The following HS6ST2 variants were observed in gnomAD, a reference collection of about 807,000 sequenced individuals.
HS6ST2 encodes the protein heparan-sulfate 6-O-sulfotransferase 2.
A neutral mutation model predicts 33.0 loss-of-function variants in HS6ST2; 17 were observed. That is an observed-to-expected ratio of 0.52 (90% CI 0.35 to 0.77). The LOEUF (loss-of-function observed/expected upper bound fraction) is 0.77, where lower values mean the gene tolerates loss of function less well. Ranked by LOEUF, HS6ST2 falls within the 30% of genes least tolerant of loss-of-function variation. The pLI is 0.01. For missense variants in HS6ST2, 519 were observed against 551.7 expected (o/e 0.94, Z 0.59); for synonymous variants, 248 against 237.1 (o/e 1.05, Z -0.42).
In HS6ST2 at chrX:132,780,421, C is replaced by T. The variant is rs186144454; in HGVS notation, c.948-71927G>A. Reference sequence around the variant, plus strand: ...CACTTACCAAGTGTCAGGCACTATGCCAGGCACTTTGCATGCATCCTATCA... The same window carrying T: ...CACTTACCAAGTGTCAGGCACTATGTCAGGCACTTTGCATGCATCCTATCA... On this transcript the variant is annotated intron_variant, in intron 2 of 4. Coordinates refer to ENST00000370833, the MANE Select transcript of HS6ST2 (RefSeq NM_001394073.1). Among the ~76,000 whole-genome samples, 191 of 111,119 alleles carry T rather than the reference C, an allele frequency of 1.7e-3. 1 individual carries two copies. The highest frequency in any genetic ancestry group is 2.5e-3 in the Non-Finnish European group (135 of 53,066).
intron 2 of HS6ST2, among the ~76,000 whole-genome samples, chrX:132,785,268 G>A (rs1420435570): frequency 8.9e-6 from 1 of 112,002 alleles, no homozygotes; most frequent in African/African-American, 3.2e-5. Flanking sequence ...CATACCCCCA[G>A]AGAGACCTTG....
intron 2 of HS6ST2, among the ~76,000 whole-genome samples, chrX:132,859,524 G>A (rs1485118813): frequency 1.8e-5 from 2 of 108,773 alleles, no homozygotes. Flanking sequence ...CAAGTGTAGT[G>A]GAACTATAAA....
chrX:132,915,732 CTT>C (rs146550837), intron 2 of HS6ST2, among the ~76,000 whole-genome samples: 5 of 102,372 alleles, frequency 4.9e-5, no homozygotes, highest in Admixed American at 2.1e-4. Context: ...TCATTGGTAA[CTT>C]TTTTTTTTTT....
intron 2 of HS6ST2, among the ~76,000 whole-genome samples, chrX:132,745,813 AG>A (rs2064633993): frequency 8.9e-6 from 1 of 112,134 alleles, no homozygotes; most frequent in South Asian, 3.7e-4. Flanking sequence ...AGTGTTTCCA[AG>A]GCTGACCCAT....
At chrX:132,642,949 C>T (rs2063612780) in intron 4 of HS6ST2, among the ~76,000 whole-genome samples, 1 of 112,268 alleles carries the variant, frequency 8.9e-6, no homozygotes, top group Admixed American at 9.4e-5. Flanking sequence ...AAATCAGTGG[C>T]CTAGTATTGG....
At chrX:132,904,040 G>A (rs965643543) in intron 2 of HS6ST2, among the ~76,000 whole-genome samples, 1 of 111,547 alleles carries the variant, frequency 9.0e-6, no homozygotes, top group African/African-American at 3.3e-5. Flanking sequence ...CCCTCACCAA[G>A]AGGTCTCCAC....
chrX:132,695,590 C>T (rs1450759995), intron 3 of HS6ST2, among the ~76,000 whole-genome samples: 1 of 111,635 alleles, frequency 9.0e-6, no homozygotes, highest in Non-Finnish European at 1.9e-5. Flanking sequence ...TAAGAAAAAT[C>T]ACACTATATT....
intron 2 of HS6ST2, among the ~76,000 whole-genome samples, chrX:132,841,436 C>A (rs2065706146): frequency 9.0e-6 from 1 of 111,589 alleles, no homozygotes; most frequent in Admixed American, 9.5e-5. Context: ...GCTCACCTTT[C>A]TGTAAAGAAA....
intron 2 of HS6ST2, among the ~76,000 whole-genome samples, chrX:132,718,226 G>A (rs947886050): frequency 2.7e-5 from 3 of 111,216 alleles, no homozygotes; most frequent in African/African-American, 9.8e-5. Flanking sequence ...ATGATAAGTG[G>A]TAGAGTCTGG....
At chrX:132,649,056 A>G (rs969724649) in intron 4 of HS6ST2, among the ~76,000 whole-genome samples, 21 of 112,251 alleles carry the variant, frequency 1.9e-4, no homozygotes, top group African/African-American at 6.5e-4. Flanking sequence ...TTTTTCTACT[A>G]AGCAAACTTT....
At chrX:132,703,091 A>G (rs758422061) in intron 3 of HS6ST2, among the ~76,000 whole-genome samples, 1 of 112,418 alleles carries the variant, frequency 8.9e-6, no homozygotes, top group African/African-American at 3.2e-5. Context: ...GCACTGGCCA[A>G]TGTGCACATC....
At chrX:132,788,936 G>C (rs2065091485) in intron 2 of HS6ST2, among the ~76,000 whole-genome samples, 1 of 112,654 alleles carries the variant, frequency 8.9e-6, no homozygotes, top group Non-Finnish European at 1.9e-5. Flanking sequence ...AGCTAGCAGA[G>C]GTTGGTTCAT....
intron 2 of HS6ST2, among the ~76,000 whole-genome samples, chrX:132,951,684 A>G (rs1019804428): frequency 2.7e-5 from 3 of 111,615 alleles, no homozygotes; most frequent in African/African-American, 9.8e-5. Flanking sequence ...GAAGATGGTT[A>G]TCTTGGCTTT....
chrX:132,898,293 A>G (rs2066395481), intron 2 of HS6ST2, among the ~76,000 whole-genome samples: 1 of 108,109 alleles, frequency 9.2e-6, no homozygotes, highest in Admixed American at 1.0e-4. Context: ...TTAGAAAACC[A>G]AATGTTTTCT....
intron 2 of HS6ST2, among the ~76,000 whole-genome samples, chrX:132,759,654 T>C (rs1455692061): frequency 9.0e-6 from 1 of 111,571 alleles, no homozygotes; most frequent in East Asian, 2.8e-4. Flanking sequence ...ATAGTGAATG[T>C]TATGTTATGT....
intron 2 of HS6ST2, among the ~76,000 whole-genome samples, chrX:132,887,494 A>T: frequency 8.9e-6 from 1 of 112,341 alleles, no homozygotes; most frequent in Admixed American, 9.4e-5. Flanking sequence ...TAAAAGATAG[A>T]CACTAACAAG....
intron 2 of HS6ST2, among the ~76,000 whole-genome samples, chrX:132,800,948 G>A (rs768495621): frequency 4.5e-5 from 5 of 111,465 alleles, no homozygotes; most frequent in African/African-American, 1.3e-4. Context: ...CATGTAAGAC[G>A]TTCCTGCTTC....
At chrX:132,864,771 C>A (rs1050365253) in intron 2 of HS6ST2, among the ~76,000 whole-genome samples, 2 of 110,208 alleles carry the variant, frequency 1.8e-5, no homozygotes, top group Non-Finnish European at 3.8e-5. Flanking sequence ...CACAAAGATA[C>A]ACCTCCAGAA....
intron 2 of HS6ST2, among the ~76,000 whole-genome samples, chrX:132,867,980 A>G (rs2148426285): frequency 8.9e-6 from 1 of 112,182 alleles, no homozygotes; most frequent in South Asian, 3.7e-4. Context: ...ATTAAAAGAC[A>G]AAGACTGGCA....
Sources: allele counts gnomAD v4.1 joint callset (sites outside exome capture counted in the v4.1 genomes callset), GRCh38; gene constraint gnomAD v4.1.1; transcripts MANE v1.5; gene names NCBI Gene and HGNC (gene_info 2026-07-23, HGNC 2026-07-21).